RXRA: variants seen among roughly 807,000 people sequenced by gnomAD.
RXRA encodes the protein retinoic acid receptor RXR-alpha.
In RXRA, 5 loss-of-function variants were observed where a neutral mutation model predicts 44.5. The ratio of observed to expected loss-of-function variants is 0.11; its 90% CI spans 0.06 to 0.24. The LOEUF (loss-of-function observed/expected upper bound fraction) is 0.24, where lower values mean the gene tolerates loss of function less well. RXRA is among the 10% of genes least tolerant of loss of function. The pLI is 1.00. For synonymous variants in RXRA, 291 were observed against 271.4 expected (o/e 1.07, Z -0.71); for missense variants, 412 against 646.5 (o/e 0.64, Z 3.93).
chr9:134,424,985 G>C, intron 6 of RXRA: 1 of 985,474 alleles, frequency 1.0e-6, no homozygotes, highest in Non-Finnish European at 1.2e-6. Flanking sequence ...TGCTGGTGGG[G>C]GAGGTCACTT....
At chr9:134,367,617 C>T (rs1036128264) in intron 1 of RXRA, among the ~76,000 whole-genome samples, 4 of 152,222 alleles carry the variant, frequency 2.6e-5, no homozygotes, top group Admixed American at 6.5e-5. Flanking sequence ...CGGTGACCCT[C>T]GCCGGCTGGG....
intron 1 of RXRA, among the ~76,000 whole-genome samples, chr9:134,339,750 C>T (rs1367035438): frequency 5.2e-5 from 7 of 134,484 alleles, no homozygotes; most frequent in Non-Finnish European, 7.9e-5. Flanking sequence ...TGTGAGATCC[C>T]GTGTGTGTCT....
intron 4 of RXRA, among the ~76,000 whole-genome samples, chr9:134,413,444 G>A (rs145132203): frequency 3.9e-4 from 60 of 152,306 alleles, no homozygotes; most frequent in Non-Finnish European, 5.7e-4. Flanking sequence ...TTGAAGCCCT[G>A]GAGGGAAGGT....
chr9:134,427,445 C>T (rs1831453790), intron 6 of RXRA, among the ~76,000 whole-genome samples: 1 of 152,230 alleles, frequency 6.6e-6, no homozygotes, highest in Admixed American at 6.5e-5. Context: ...GCTTTTCCAT[C>T]AGACCGCCCG....
At chr9:134,410,706 TG>T (rs34107054) in intron 4 of RXRA, among the ~76,000 whole-genome samples, 4 of 151,532 alleles carry the variant, frequency 2.6e-5, no homozygotes, top group East Asian at 1.9e-4. Context: ...TGGCTGGAGC[TG>T]GGGGGGGAAG....
intron 6 of RXRA, chr9:134,423,476 A>T: frequency 1.0e-6 from 1 of 985,452 alleles, no homozygotes; most frequent in Non-Finnish European, 1.2e-6. Context: ...ATGTTCTGGA[A>T]GTTGCTTGGG....
intron 1 of RXRA, among the ~76,000 whole-genome samples, chr9:134,376,797 C>T (rs1830563637): frequency 6.6e-6 from 1 of 152,192 alleles, no homozygotes. Context: ...GCCAGGGGCG[C>T]AGCCCTAGGG....
intron 1 of RXRA, among the ~76,000 whole-genome samples, chr9:134,359,228 A>C (rs1031980297): frequency 1.3e-5 from 2 of 152,092 alleles, no homozygotes; most frequent in African/African-American, 4.8e-5. Flanking sequence ...TAGCTGGGGA[A>C]ATTGAGGCAG....
At chr9:134,398,400 GATGTCGAGGC>G (rs1830911584) in intron 1 of RXRA, among the ~76,000 whole-genome samples, 1 of 152,208 alleles carries the variant, frequency 6.6e-6, no homozygotes, top group African/African-American at 2.4e-5. Flanking sequence ...GTGAGTAGAG[GATGTCGAGGC>G]ATTTTTTGCC....
In RXRA at chr9:134,426,362, T is replaced by G. The variant is rs1799859672; in HGVS notation, c.911-2746T>G. On this transcript the variant is annotated intron_variant, in intron 6 of 9. Transcript: ENST00000481739. The surrounding 1 kb of genome is among the most constrained non-coding windows in gnomAD (Gnocchi z 4.6). ...CAAAGGTTACTGTAAAGTGGGTTCC[T>G]CTCCTATTTTTCTCTTACATCCGAG... The G allele has an allele frequency of 2.0e-6, 2 of 985,334 alleles. No individual in the cohort carries two copies. The highest frequency in any genetic ancestry group is 9.4e-5 in the South Asian group (2 of 21,286). 61.0% of individuals were successfully genotyped at this position (985,334 alleles called of 1,614,324 possible).
At chr9:134,402,006 C>G (rs572061952) in intron 2 of RXRA, 124 bp downstream of exon 2, 1 of 829,896 alleles carries the variant, frequency 1.2e-6, no homozygotes, top group South Asian at 1.8e-5. Flanking sequence ...CCCCGCTTGA[C>G]GCAGAGTATA....
At chr9:134,425,671 C>G (rs1831422797) in intron 6 of RXRA, 1 of 985,078 alleles carries the variant, frequency 1.0e-6, no homozygotes, top group Admixed American at 6.1e-5. Flanking sequence ...GGGGACAGCA[C>G]ACCACTTTAC....
At chr9:134,414,526 G>A (rs1831202574) in intron 4 of RXRA, among the ~76,000 whole-genome samples, 2 of 152,260 alleles carry the variant, frequency 1.3e-5, no homozygotes, top group African/African-American at 2.4e-5. Flanking sequence ...GGACTTGGCC[G>A]GGGCCACACG....
Position 134,426,231 on chromosome 9 carries a change from C to T in RXRA, c.911-2877C>T, listed in dbSNP as rs543348647. On this transcript the variant is annotated intron_variant, in intron 6 of 9. Coordinates refer to ENST00000481739, the MANE Select transcript of RXRA (RefSeq NM_002957.6). The surrounding 1 kb of genome is among the most constrained non-coding windows in gnomAD (Gnocchi z 4.6). The stretch of plus-strand genomic sequence containing the variant: ...TGAGGTCCTCCTTCTGAAAGGCCAG[C>T]GCACCCTGAGCCGTTTAAAGCTGTG... The T allele has an allele frequency of 2.5e-4, 244 of 985,386 alleles. 2 individuals are homozygous for T. In the South Asian group the frequency reaches 8.4e-3, roughly 34 times the overall value. The allele number at this position is 985,386 out of a possible 1,614,324, so 61.0% of individuals were successfully genotyped here.
At chr9:134,397,867 C>T (rs562148900) in intron 1 of RXRA, among the ~76,000 whole-genome samples, 25 of 152,340 alleles carry the variant, frequency 1.6e-4, no homozygotes, top group African/African-American at 5.8e-4. Context: ...CGGGTTGGGT[C>T]TGAGTGTCTG....
At position 134,349,424 on chromosome 9, in the gene RXRA, C is replaced by G. The variant is rs1395136185; in HGVS notation, c.28+22765C>G. 6.6e-6 allele frequency among the ~76,000 whole-genome samples: 1 copy of G among 152,136 alleles called. No homozygotes were observed. The highest frequency in any genetic ancestry group is 1.5e-5 in the Non-Finnish European group (1 of 68,020). On this transcript the variant is annotated intron_variant, in intron 1 of 9. Transcript: ENST00000481739. This position sits in a 1 kb window ranked among gnomAD's most constrained non-coding sequence, Gnocchi z 4.3. The stretch of plus-strand genomic sequence containing the variant: ...GAGCAGGAGGGAGGAGAGGGACAGG[C>G]TGGTGGGTCGGGGAAGAGAAGAGGC...
chr9:134,395,047 C>T (rs1830857827), intron 1 of RXRA, among the ~76,000 whole-genome samples: 1 of 152,248 alleles, frequency 6.6e-6, no homozygotes, highest in South Asian at 2.1e-4. Flanking sequence ...AGAGGCCGGA[C>T]AGGAGTCCAG....
intron 1 of RXRA, among the ~76,000 whole-genome samples, chr9:134,370,838 C>G (rs1039107321): frequency 2.0e-5 from 3 of 152,238 alleles, no homozygotes; most frequent in African/African-American, 7.2e-5. Flanking sequence ...TGAGTGCTCT[C>G]ACTCCAGGAG....
rs1830409066 is a variant in RXRA at position 134,365,921 on chromosome 9, G to A, written c.29-35711G>A. Among the ~76,000 whole-genome samples, 3 of 152,100 alleles carry A rather than the reference G, an allele frequency of 2.0e-5. No individual in the cohort carries two copies. Among genetic ancestry groups the A allele is most frequent in the South Asian group, 4.1e-4 (2 of 4,836 alleles). On this transcript the variant is annotated intron_variant, in intron 1 of 9. Coordinates refer to ENST00000481739, the MANE Select transcript of RXRA (RefSeq NM_002957.6). This position sits in a 1 kb window ranked among gnomAD's most constrained non-coding sequence, Gnocchi z 4.0. ...GGCCGTCGGGGAGGTGCACACAGAC[G>A]CTCAGCACAGTTGTGGCTGCCTCCA...
Sources: allele counts gnomAD v4.1 joint callset (sites outside exome capture counted in the v4.1 genomes callset), GRCh38; gene constraint gnomAD v4.1.1; non-coding constraint Gnocchi (gnomAD v3.1); transcripts MANE v1.5; gene names NCBI Gene and HGNC (gene_info 2026-07-23, HGNC 2026-07-21).